SMC6: variants seen among roughly 807,000 people sequenced by gnomAD.
SMC6 encodes the protein structural maintenance of chromosomes 6, also known as structural maintenance of chromosomes protein 6.
Under a neutral mutation model 142.2 loss-of-function variants are expected in SMC6, and 79 were observed. That is an observed-to-expected ratio of 0.56 (90% CI 0.46 to 0.67). The LOEUF (loss-of-function observed/expected upper bound fraction) is 0.67, where lower values mean the gene tolerates loss of function less well. SMC6 is among the 30% of genes least tolerant of loss of function. The probability of loss-of-function intolerance (pLI) is 0.00; values close to 1 mark genes in which losing one functional copy is unlikely to be tolerated. For synonymous variants in SMC6, 411 were observed against 412.4 expected, an observed-to-expected ratio of 1.00 and a Z score of 0.04; for missense variants, 1,072 against 1,284.0, an observed-to-expected ratio of 0.83 and a Z score of 2.52.
Position 17,738,339 on chromosome 2 carries a change from ATGT to A in SMC6, c.239-16_239-14del, listed in dbSNP as rs1670258706. ...GCACTCTTCCCACCTAAAGAAACAGATGTTGAAGAAATCACATTCATTAAAAGA... is the reference window on the plus strand; with the variant it reads ...GCACTCTTCCCACCTAAAGAAACAGATGAAGAAATCACATTCATTAAAAGA... On this transcript the variant is annotated splice_polypyrimidine_tract_variant and intron_variant, in intron 4 of 27. Coordinates refer to ENST00000448223, the MANE Select transcript of SMC6 (RefSeq NM_001142286.2). 1 of 1,579,498 alleles carries A rather than the reference ATGT, an allele frequency of 6.3e-7. No individual in the cohort carries two copies.
intron 16 of SMC6, among the ~76,000 whole-genome samples, chr2:17,713,215 T>A (rs1668915074): frequency 6.6e-6 from 1 of 152,184 alleles, no homozygotes; most frequent in Non-Finnish European, 1.5e-5. Context: ...TCCACTCACA[T>A]CTCTAAAGAA....
At position 17,715,013 on chromosome 2, in the gene SMC6, G is replaced by A. The variant is rs567209535; in HGVS notation, c.1578C>T (p.Cys526=). The change falls in exon 16 of 28, where the codon TGC becomes TGT. Residue 526 remains cysteine, a synonymous_variant. Transcript: ENST00000448223. ...AATAGGCCTGCAGAAGCCCTTTTAA[G>A]CAAGATTCAATAGCCAAAGCAAGTT... is the stretch of plus-strand genomic sequence containing the variant. The part of the protein sequence containing the change: ...DPELALAIES[C]LKGLLQAYCC... The A allele has an allele frequency of 7.4e-6, 12 of 1,613,918 alleles. No homozygotes were observed. The Admixed American group carries it at 1.8e-4, about 25-fold the overall frequency.
intron 2 of SMC6, among the ~76,000 whole-genome samples, chr2:17,747,359 G>A (rs1670804218): frequency 6.6e-6 from 1 of 152,166 alleles, no homozygotes; most frequent in South Asian, 2.1e-4. Flanking sequence ...CCAGATCTGA[G>A]TCTCTTTGTC....
intron 26 of SMC6, among the ~76,000 whole-genome samples, chr2:17,668,551 T>C (rs1666609104): frequency 6.6e-6 from 1 of 151,858 alleles, no homozygotes; most frequent in African/African-American, 2.4e-5. Context: ...TATATAATAA[T>C]ATAAAGCATT....
At chr2:17,698,929 G>A (rs1170784353) in intron 21 of SMC6, among the ~76,000 whole-genome samples, 2 of 151,984 alleles carry the variant, frequency 1.3e-5, no homozygotes. Flanking sequence ...ACCAGTTTGA[G>A]AAGGATAGAA....
intron 23 of SMC6, 110 bp downstream of exon 23, chr2:17,695,042 T>C: frequency 8.5e-7 from 1 of 1,179,252 alleles, no homozygotes; most frequent in Non-Finnish European, 1.2e-6. Flanking sequence ...TATAACTATT[T>C]GCTATAGTAA....
chr2:17,744,124 G>C (rs1194062471), intron 3 of SMC6, among the ~76,000 whole-genome samples: 1 of 152,190 alleles, frequency 6.6e-6, no homozygotes, highest in East Asian at 1.9e-4. Context: ...TGTATGGTAA[G>C]AGGATGTTTG....
At chr2:17,717,059 C>T (rs12469221) in intron 13 of SMC6, 29 bp downstream of exon 13, 681,332 of 1,587,416 alleles carry the variant, frequency 0.43, 157,278 homozygotes, top group African/African-American at 0.79. Flanking sequence ...AATGGGATAG[C>T]CATGAAAATT....
chr2:17,666,661 A>C (rs1666509257), intron 26 of SMC6, 144 bp from the exon 27 acceptor site: 1 of 642,600 alleles, frequency 1.6e-6, no homozygotes, highest in South Asian at 1.9e-5. Flanking sequence ...GAAATCTATT[A>C]TACTGGAAAA....
chr2:17,732,890 C>T (rs564461804), intron 5 of SMC6, among the ~76,000 whole-genome samples: 1 of 151,870 alleles, frequency 6.6e-6, no homozygotes, highest in South Asian at 2.1e-4. Flanking sequence ...TACAGCCACG[C>T]ATATTTTAAG....
Position 17,703,230 on chromosome 2 carries a change from G to A in SMC6, c.2069C>T (p.Ser690Phe). 2 of 1,604,014 alleles carry A rather than the reference G, an allele frequency of 1.2e-6. No homozygotes were observed. Among genetic ancestry groups the A allele is most frequent in the Admixed American group, 1.7e-5 (1 of 59,182 alleles). Reference protein sequence around the residue: ...AQILNLQQHLSALEKDIKHNE... With the variant: ...AQILNLQQHLFALEKDIKHNE... ...GTGTTTAATATCTTTTTCAAGGGCA[G>A]ATAAATGTTGCTGAAGATTTAATAT... Residue 690 changes from serine to phenylalanine, a missense_variant, in exon 19 of 28, where the codon TCT becomes TTT. By Grantham distance (155) the Ser-to-Phe change is radical. Transcript: ENST00000448223.
intron 11 of SMC6, among the ~76,000 whole-genome samples, chr2:17,718,559 T>A (rs1669222313): frequency 6.6e-6 from 1 of 152,192 alleles, no homozygotes; most frequent in South Asian, 2.1e-4. Flanking sequence ...GGTACATTTA[T>A]TTTTAATTGT....
intron 7 of SMC6, among the ~76,000 whole-genome samples, chr2:17,729,185 T>C (rs567271512): frequency 6.6e-6 from 1 of 152,342 alleles, no homozygotes; most frequent in African/African-American, 2.4e-5. Context: ...AAAACTAAGT[T>C]ATTCCTTTAT....
At chr2:17,693,448 A>G (rs1667829726) in intron 23 of SMC6, among the ~76,000 whole-genome samples, 1 of 152,136 alleles carries the variant, frequency 6.6e-6, no homozygotes, top group African/African-American at 2.4e-5. Context: ...CACAAGGACA[A>G]AAAACCAAAC....
chr2:17,673,067 A>G (rs990082161), intron 25 of SMC6, among the ~76,000 whole-genome samples: 1 of 152,206 alleles, frequency 6.6e-6, no homozygotes, highest in Non-Finnish European at 1.5e-5. Context: ...TCACCAGCAC[A>G]AAATATTGCC....
chr2:17,715,146 A>G (rs888855423), intron 15 of SMC6, 81 bp from the exon 16 acceptor site: 2 of 1,281,772 alleles, frequency 1.6e-6, no homozygotes, highest in Non-Finnish European at 2.2e-6. Context: ...ATTATAGCAT[A>G]TAAATGACTT....
At chr2:17,715,282 C>A (rs1047322364) in intron 15 of SMC6, among the ~76,000 whole-genome samples, 1 of 152,012 alleles carries the variant, frequency 6.6e-6, no homozygotes, top group Non-Finnish European at 1.5e-5. Context: ...ATCCCCTATA[C>A]CCATAGGATA....
chr2:17,738,786 G>A (rs75429449), intron 4 of SMC6, among the ~76,000 whole-genome samples: 20,800 of 152,132 alleles, frequency 0.14, 1,723 homozygotes, highest in African/African-American at 0.24. Flanking sequence ...CTCAGTAGCC[G>A]GGATTACAGG....
chr2:17,714,817 T>C, intron 16 of SMC6, 44 bp downstream of exon 16: 3 of 1,580,650 alleles, frequency 1.9e-6, no homozygotes, highest in South Asian at 2.3e-5. Flanking sequence ...ATCTTGCATA[T>C]GATTAAGCAA....
Sources: gnomAD v4.1 joint callset for allele counts (sites outside exome capture counted in the v4.1 genomes callset) on GRCh38, gnomAD v4.1.1 for gene constraint, MANE v1.5 for transcripts, NCBI Gene and HGNC (gene_info 2026-07-23, HGNC 2026-07-21) for gene names.